The following PRKCB variants were observed in gnomAD, a reference collection of about 807,000 sequenced individuals.
PRKCB encodes protein kinase C beta type.
Under a neutral mutation model 81.5 loss-of-function variants are expected in PRKCB, and 13 were observed. The observed-to-expected ratio is 0.16, with a 90% confidence interval of 0.10 to 0.25. The LOEUF is 0.25. Ranked by LOEUF, PRKCB falls within the 10% of genes least tolerant of loss-of-function variation. PRKCB has a pLI of 1.00. For missense variants in PRKCB, 509 were observed against 875.7 expected, an observed-to-expected ratio of 0.58 and a Z score of 5.29; for synonymous variants, 335 against 321.4, an observed-to-expected ratio of 1.04 and a Z score of -0.45.
rs777796805 is a variant in PRKCB, at chr16:24,123,894, C to T, written c.978C>T (p.Ser326=). 6.2e-7 allele frequency: 1 copy of T among 1,614,128 alleles called. No individual in the cohort carries two copies. The highest frequency in any genetic ancestry group is 8.5e-7 in the Non-Finnish European group (1 of 1,180,000). ...AAGAAAAGACGACCAACACTGTCTC[C>T]AAATTTGACAACAATGGCAACAGAG... The part of the protein sequence containing the change: ...VPEEKTTNTV[S]KFDNNGNRDR... Residue 326 remains serine, a synonymous_variant, in exon 9 of 17, where the codon TCC becomes TCT. Coordinates refer to ENST00000643927, the MANE Select transcript of PRKCB (RefSeq NM_002738.7).
At chr16:23,907,316 C>T (rs182715490) in intron 2 of PRKCB, among the ~76,000 whole-genome samples, 156 of 152,342 alleles carry the variant, frequency 1.0e-3, no homozygotes, top group African/African-American at 3.6e-3. Flanking sequence ...GGTCTTGTTC[C>T]GTTGCCCATG....
chr16:24,068,054 C>A (rs1347467466), intron 5 of PRKCB, among the ~76,000 whole-genome samples: 1 of 151,932 alleles, frequency 6.6e-6, no homozygotes, highest in Non-Finnish European at 1.5e-5. Context: ...TGGTTTATAG[C>A]CTTCGTAAGG....
intron 8 of PRKCB, among the ~76,000 whole-genome samples, chr16:24,115,021 G>A (rs1027020456): frequency 6.6e-6 from 1 of 152,160 alleles, no homozygotes; most frequent in Non-Finnish European, 1.5e-5. Context: ...AATGTATTCT[G>A]TTCTGCAAAC....
rs111463471 is a variant in PRKCB, at chr16:24,044,909, C to G, written c.529+9362C>G. ...AGAAATAAGCAACAGCAACAGACAC[C>G]TCCTATGTGTGAAGTTTTGTCTGTA... On this transcript the variant is annotated intron_variant, in intron 5 of 16. Transcript: ENST00000643927. 5.7e-3 allele frequency among the ~76,000 whole-genome samples: 870 copies of G among 152,230 alleles called. 7 individuals carry two copies. Among genetic ancestry groups the G allele is most frequent in the African/African-American group, 0.02 (840 of 41,518 alleles).
At chr16:23,881,822 C>T (rs896150996) in intron 2 of PRKCB, among the ~76,000 whole-genome samples, 21 of 151,892 alleles carry the variant, frequency 1.4e-4, no homozygotes, top group Non-Finnish European at 2.5e-4. Context: ...GCAATAACTT[C>T]CCATTTCTTC....
intron 2 of PRKCB, among the ~76,000 whole-genome samples, chr16:23,870,015 C>T (rs1482659675): frequency 7.8e-6 from 1 of 127,832 alleles, no homozygotes; most frequent in Non-Finnish European, 1.7e-5. Context: ...GAGTGAGACT[C>T]CATCTGAAAA....
rs1968272584 is a variant in PRKCB, at chr16:24,218,752, G to A, written c.*3936G>A. On this transcript the variant is annotated 3_prime_UTR_variant, in exon 17 of 17. Transcript: ENST00000643927. ...TCAGTGAATCCTTACCGACCCCCTGGCCTTTATAATCTGAGGCAACTTTGG... is the reference window on the plus strand; with the variant it reads ...TCAGTGAATCCTTACCGACCCCCTGACCTTTATAATCTGAGGCAACTTTGG... 4 of 985,420 alleles carry A rather than the reference G, an allele frequency of 4.1e-6. No homozygotes were observed. The highest frequency in any genetic ancestry group is 1.2e-6 in the Non-Finnish European group (1 of 829,972). 61.0% of individuals were successfully genotyped at this position (985,420 alleles called of 1,614,324 possible).
chr16:24,095,207 G>A (rs1293930956), intron 7 of PRKCB, among the ~76,000 whole-genome samples: 1 of 152,140 alleles, frequency 6.6e-6, no homozygotes, highest in Non-Finnish European at 1.5e-5. Flanking sequence ...ATTGCAATAG[G>A]GAAAGAGTTT....
intron 5 of PRKCB, among the ~76,000 whole-genome samples, chr16:24,083,173 A>G (rs1403398295): frequency 6.6e-6 from 1 of 152,246 alleles, no homozygotes; most frequent in African/African-American, 2.4e-5. Flanking sequence ...TAATGATGAT[A>G]ATGATAATAA....
chr16:23,913,322 T>C lies in PRKCB; in HGVS notation c.206-75186T>C, dbSNP rs75791267. 3.6e-3 allele frequency among the ~76,000 whole-genome samples: 542 copies of C among 151,840 alleles called. 6 individuals are homozygous for C. The highest frequency in any genetic ancestry group is 0.012 in the African/African-American group (506 of 41,350). The stretch of plus-strand genomic sequence containing the variant: ...TTCAGCCAGACCGACCTTCCTCCTA[T>C]TGGGCCCAAATCATGTCAAAAAAAA... On this transcript the variant is annotated intron_variant, in intron 2 of 16. Transcript: ENST00000643927.
At chr16:24,067,957 AAAGAGAG>A in intron 5 of PRKCB, among the ~76,000 whole-genome samples, 1 of 149,638 alleles carries the variant, frequency 6.7e-6, no homozygotes, top group East Asian at 1.9e-4. Context: ...AAAAAAAAAA[AAAGAGAG>A]AGAGAGAGAG....
chr16:23,980,381 T>G (rs1964679893), intron 2 of PRKCB, among the ~76,000 whole-genome samples: 1 of 152,198 alleles, frequency 6.6e-6, no homozygotes, highest in Non-Finnish European at 1.5e-5. Flanking sequence ...AGAGTGGTTC[T>G]CCCAGCAGCT....
chr16:23,960,498 C>T (rs568065759), intron 2 of PRKCB, among the ~76,000 whole-genome samples: 1 of 151,926 alleles, frequency 6.6e-6, no homozygotes, highest in East Asian at 1.9e-4. Flanking sequence ...TTCTAGGGTA[C>T]ATGTGCAGGA....
chr16:23,866,466 A>G (rs549008848), intron 2 of PRKCB, among the ~76,000 whole-genome samples: 1 of 152,314 alleles, frequency 6.6e-6, no homozygotes, highest in South Asian at 2.1e-4. Context: ...TGACGTCTCA[A>G]TTTAGTCCCC....
At chr16:24,015,775 C>A (rs545972487) in intron 3 of PRKCB, among the ~76,000 whole-genome samples, 9 of 152,278 alleles carry the variant, frequency 5.9e-5, no homozygotes, top group African/African-American at 1.9e-4. Context: ...TTTTCCCCAA[C>A]TAGACTGACA....
At chr16:23,857,622 A>C (rs1292087362) in intron 2 of PRKCB, among the ~76,000 whole-genome samples, 1 of 152,162 alleles carries the variant, frequency 6.6e-6, no homozygotes, top group Admixed American at 6.5e-5. Context: ...TAGGGGGGCC[A>C]GGGCACTCCA....
At chr16:24,178,561 T>C (rs1333144733) in intron 12 of PRKCB, among the ~76,000 whole-genome samples, 1 of 152,212 alleles carries the variant, frequency 6.6e-6, no homozygotes, top group Non-Finnish European at 1.5e-5. Context: ...ATCACATATA[T>C]CACATATAGA....
At chr16:24,202,071 C>A (rs1219289008) in intron 16 of PRKCB, among the ~76,000 whole-genome samples, 1 of 152,046 alleles carries the variant, frequency 6.6e-6, no homozygotes, top group Non-Finnish European at 1.5e-5. Flanking sequence ...AAAATAAAGC[C>A]ACTGTCACTA....
chr16:24,209,598 C>T (rs928624768), intron 16 of PRKCB, among the ~76,000 whole-genome samples: 1 of 152,168 alleles, frequency 6.6e-6, no homozygotes, highest in Admixed American at 6.5e-5. Flanking sequence ...ATACCCCACA[C>T]CCAATCCATC....
Sources: allele counts gnomAD v4.1 joint callset (sites outside exome capture counted in the v4.1 genomes callset), GRCh38; gene constraint gnomAD v4.1.1; transcripts MANE v1.5; gene names NCBI Gene and HGNC (gene_info 2026-07-23, HGNC 2026-07-21).